The following ARHGAP24 variants were observed in gnomAD, a reference collection of about 807,000 sequenced individuals.
ARHGAP24 encodes the protein rho GTPase-activating protein 24.
ARHGAP24 carries 50 observed loss-of-function variants against 76.4 expected under a neutral mutation model. That is an observed-to-expected ratio of 0.65 (90% CI 0.52 to 0.83). ARHGAP24 has a LOEUF of 0.83. Among genes scored for constraint, ARHGAP24 ranks in the 40% least tolerant of loss-of-function variants. ARHGAP24 has a pLI of 0.00. For synonymous variants in ARHGAP24, 345 were observed against 323.3 expected (o/e 1.07, Z -0.72); for missense variants, 930 against 914.2 (o/e 1.02, Z -0.22).
intron 2 of ARHGAP24, among the ~76,000 whole-genome samples, chr4:85,578,912 A>G (rs1186321720): frequency 1.3e-5 from 2 of 152,216 alleles, no homozygotes; most frequent in Non-Finnish European, 2.9e-5. Context: ...TTCGTTGGTC[A>G]TGCTAACTTC....
intron 2 of ARHGAP24, among the ~76,000 whole-genome samples, chr4:85,704,527 C>T (rs1159741003): frequency 6.6e-6 from 1 of 152,078 alleles, no homozygotes; most frequent in Admixed American, 6.6e-5. Context: ...GTAACTTTTG[C>T]CAAAGTACCT....
chr4:85,732,158 GC>G (rs1725433990), intron 3 of ARHGAP24, among the ~76,000 whole-genome samples: 1 of 152,202 alleles, frequency 6.6e-6, no homozygotes, highest in African/African-American at 2.4e-5. Context: ...AATGTCAGCT[GC>G]TGTTATTACA....
At chr4:85,733,554 T>C (rs1159171441) in intron 3 of ARHGAP24, among the ~76,000 whole-genome samples, 1 of 152,208 alleles carries the variant, frequency 6.6e-6, no homozygotes, top group African/African-American at 2.4e-5. Flanking sequence ...GTGTATTTTT[T>C]GGCTTTCTAG....
chr4:85,935,423 A>G (rs566513537), intron 4 of ARHGAP24, among the ~76,000 whole-genome samples: 7 of 152,332 alleles, frequency 4.6e-5, no homozygotes, highest in African/African-American at 1.7e-4. Context: ...TCCTGTGGAA[A>G]CCCAGTGATT....
intron 3 of ARHGAP24, among the ~76,000 whole-genome samples, chr4:85,882,374 A>G (rs1733308826): frequency 6.6e-6 from 1 of 152,074 alleles, no homozygotes; most frequent in South Asian, 2.1e-4. Flanking sequence ...AATCAATGGT[A>G]TTTTTCTTCC....
At chr4:85,897,928 A>G (rs932264645) in intron 3 of ARHGAP24, among the ~76,000 whole-genome samples, 11 of 151,604 alleles carry the variant, frequency 7.3e-5, no homozygotes, top group African/African-American at 2.7e-4. Context: ...GTTGAGTGGG[A>G]GGTAAGGATG....
At chr4:85,915,228 C>T (rs346510) in intron 3 of ARHGAP24, among the ~76,000 whole-genome samples, 51,406 of 151,978 alleles carry the variant, frequency 0.34, 9,037 homozygotes, top group East Asian at 0.65. Flanking sequence ...TTGACATGCT[C>T]AGCACAAATA....
At chr4:85,990,838 A>T (rs1560770074) in intron 8 of ARHGAP24, 5 of 152,018 alleles carry the variant, frequency 3.3e-5, no homozygotes, top group Admixed American at 3.3e-4. Flanking sequence ...AATAATTTTA[A>T]AGAAATCTTA....
chr4:85,650,988 T>C (rs553825876), intron 2 of ARHGAP24, among the ~76,000 whole-genome samples: 13 of 149,136 alleles, frequency 8.7e-5, no homozygotes, highest in Admixed American at 5.3e-4. Flanking sequence ...TCGGACAGAG[T>C]TTAGATTGGG....
chr4:85,746,172 G>A (rs879712455), intron 3 of ARHGAP24, among the ~76,000 whole-genome samples: 10 of 152,184 alleles, frequency 6.6e-5, no homozygotes, highest in Non-Finnish European at 1.2e-4. Flanking sequence ...GAAAGAAAGG[G>A]CAAGCTAGGG....
intron 2 of ARHGAP24, among the ~76,000 whole-genome samples, chr4:85,607,135 A>C (rs1244528145): frequency 6.6e-6 from 1 of 152,184 alleles, no homozygotes; most frequent in East Asian, 1.9e-4. Flanking sequence ...GATGGAGTAG[A>C]TGTTATCTAT....
intron 1 of ARHGAP24, among the ~76,000 whole-genome samples, chr4:85,491,687 G>A (rs886884920): frequency 6.6e-6 from 1 of 152,142 alleles, no homozygotes; most frequent in African/African-American, 2.4e-5. Flanking sequence ...ATCTATACTT[G>A]TTTCTTAGCC....
intron 2 of ARHGAP24, among the ~76,000 whole-genome samples, chr4:85,719,589 A>G (rs1724854149): frequency 6.6e-6 from 1 of 152,216 alleles, no homozygotes; most frequent in Non-Finnish European, 1.5e-5. Context: ...TACAGTGGAC[A>G]GGAGCATGGG....
chr4:85,595,331 C>T (rs887515831), intron 2 of ARHGAP24, among the ~76,000 whole-genome samples: 1 of 151,940 alleles, frequency 6.6e-6, no homozygotes, highest in Admixed American at 6.6e-5. Context: ...GCGCTCAGTT[C>T]GTTTTGTTCC....
In ARHGAP24 at chr4:85,938,757, C is replaced by T. The variant is rs1419575013; in HGVS notation, c.392-3309C>T. ...ATATATTATACTGCTGTATTAAAGG[C>T]ATCAGCTTTATATAAAGGAAATTGC... is the stretch of plus-strand genomic sequence containing the variant. On this transcript the variant is annotated intron_variant, in intron 4 of 9. Coordinates refer to ENST00000395184, the MANE Select transcript of ARHGAP24 (RefSeq NM_001025616.3). Among the ~76,000 whole-genome samples, 3 of 151,988 alleles carry T rather than the reference C, an allele frequency of 2.0e-5. No homozygotes were observed. In the East Asian group the frequency reaches 5.8e-4, roughly 29 times the overall value.
intron 3 of ARHGAP24, among the ~76,000 whole-genome samples, chr4:85,757,538 A>G (rs1241484729): frequency 6.6e-6 from 1 of 152,126 alleles, no homozygotes; most frequent in Admixed American, 6.6e-5. Context: ...CCTACAAAGG[A>G]CATGAACTCA....
At chr4:85,989,356 G>A (rs1740189075) in intron 8 of ARHGAP24, among the ~76,000 whole-genome samples, 1 of 151,460 alleles carries the variant, frequency 6.6e-6, no homozygotes, top group Non-Finnish European at 1.5e-5. Context: ...AAGAAAGAAA[G>A]AAACTGAGAC....
At chr4:85,816,339 A>G (rs535393880) in intron 3 of ARHGAP24, among the ~76,000 whole-genome samples, 1 of 152,236 alleles carries the variant, frequency 6.6e-6, no homozygotes, top group Admixed American at 6.5e-5. Flanking sequence ...GGCAACCACC[A>G]TTCTATTCTC....
intron 2 of ARHGAP24, among the ~76,000 whole-genome samples, chr4:85,594,831 C>G (rs1337325585): frequency 6.6e-6 from 1 of 152,016 alleles, no homozygotes. Flanking sequence ...TAAAATTTAT[C>G]TAACTACGTA....
Sources: allele counts gnomAD v4.1 joint callset (sites outside exome capture counted in the v4.1 genomes callset), GRCh38; gene constraint gnomAD v4.1.1; transcripts MANE v1.5; gene names NCBI Gene and HGNC (gene_info 2026-07-23, HGNC 2026-07-21).